Variants in PLPP1 observed in about 807,000 individuals in gnomAD.
PLPP1 encodes the protein phospholipid phosphatase 1, also known as lipid phosphate phosphohydrolase 1a.
In PLPP1, 24 loss-of-function variants were observed where a neutral mutation model predicts 31.2. That is an observed-to-expected ratio of 0.77 (90% CI 0.56 to 1.08). PLPP1 has a LOEUF of 1.08. Among genes scored for constraint, PLPP1 ranks in the 50% least tolerant of loss-of-function variants. The probability of loss-of-function intolerance (pLI) is 0.00; values close to 1 mark genes in which losing one functional copy is unlikely to be tolerated. For missense variants in PLPP1, 319 were observed against 342.7 expected (o/e 0.93, Z 0.55); for synonymous variants, 146 against 126.3 (o/e 1.16, Z -1.05).
intron 1 of PLPP1, among the ~76,000 whole-genome samples, chr5:55,504,002 C>T (rs1442483409): frequency 3.3e-5 from 5 of 151,702 alleles, no homozygotes; most frequent in East Asian, 3.9e-4. Context: ...GGAACGGGTG[C>T]GGTGGCTCAC....
At chr5:55,531,873 TAA>T (rs142667350) in intron 1 of PLPP1, among the ~76,000 whole-genome samples, 7 of 152,236 alleles carry the variant, frequency 4.6e-5, no homozygotes, top group South Asian at 2.1e-4. Context: ...CTTACATTTT[TAA>T]AAGTCAGTAA....
chr5:55,458,780 C>T (rs1432143315), intron 3 of PLPP1, among the ~76,000 whole-genome samples: 3 of 145,320 alleles, frequency 2.1e-5, no homozygotes, highest in Non-Finnish European at 4.5e-5. Flanking sequence ...CCCAGCTACT[C>T]GGGAGGCTGA....
At chr5:55,531,234 TCTC>T (rs905661253) in intron 1 of PLPP1, among the ~76,000 whole-genome samples, 4 of 152,034 alleles carry the variant, frequency 2.6e-5, no homozygotes, top group East Asian at 1.9e-4. Context: ...TTCTCAAAAT[TCTC>T]CTTCTTTTTC....
At chr5:55,442,928 G>A (rs1310762933) in intron 3 of PLPP1, among the ~76,000 whole-genome samples, 1 of 151,820 alleles carries the variant, frequency 6.6e-6, no homozygotes, top group Admixed American at 6.6e-5. Flanking sequence ...AGTATGCCAC[G>A]AAAAGATGCT....
At chr5:55,479,078 G>A (rs1029698323) in intron 1 of PLPP1, among the ~76,000 whole-genome samples, 2 of 149,180 alleles carry the variant, frequency 1.3e-5, no homozygotes, top group African/African-American at 5.0e-5. Context: ...AGGCTGGAGT[G>A]CAATGGTGCA....
At chr5:55,512,479 A>AGGAAAG (rs1422549377) in intron 1 of PLPP1, among the ~76,000 whole-genome samples, 3,276 of 42,128 alleles carry the variant, frequency 0.078, 178 homozygotes, top group Admixed American at 0.16. Flanking sequence ...AAAAAAAAAA[A>AGGAAAG]AAAAGAAAGA....
intron 4 of PLPP1, among the ~76,000 whole-genome samples, chr5:55,436,121 C>G (rs1043914502): frequency 6.6e-6 from 1 of 151,942 alleles, no homozygotes; most frequent in Non-Finnish European, 1.5e-5. Context: ...TCACATTGCT[C>G]AAAATAACCA....
intron 4 of PLPP1, among the ~76,000 whole-genome samples, chr5:55,428,801 A>G (rs1751272016): frequency 6.6e-6 from 1 of 152,264 alleles, no homozygotes; most frequent in South Asian, 2.1e-4. Flanking sequence ...CCATTTGCCA[A>G]CCTTATCTAT....
chr5:55,429,068 G>T (rs1477597970), intron 4 of PLPP1, among the ~76,000 whole-genome samples: 2 of 152,092 alleles, frequency 1.3e-5, no homozygotes, highest in African/African-American at 4.8e-5. Flanking sequence ...CCAGAGACCT[G>T]CTGGGCTGTA....
intron 3 of PLPP1, among the ~76,000 whole-genome samples, chr5:55,449,165 A>G (rs1751838655): frequency 6.6e-6 from 1 of 152,232 alleles, no homozygotes; most frequent in South Asian, 2.1e-4. Flanking sequence ...CATATTTTAA[A>G]TGTTACTTAT....
chr5:55,475,841 T>C (rs1430116153), intron 1 of PLPP1, among the ~76,000 whole-genome samples: 2 of 152,226 alleles, frequency 1.3e-5, no homozygotes, highest in African/African-American at 4.8e-5. Flanking sequence ...AAAGAAAACA[T>C]TTTAGCATTC....
chr5:55,471,848 G>C (rs1752422003), intron 2 of PLPP1, among the ~76,000 whole-genome samples: 2 of 152,214 alleles, frequency 1.3e-5, no homozygotes, highest in African/African-American at 4.8e-5. Context: ...GCTGAGCATG[G>C]TGGCTTACAC....
At chr5:55,461,708 T>C (rs1348896221) in intron 3 of PLPP1, among the ~76,000 whole-genome samples, 1 of 152,088 alleles carries the variant, frequency 6.6e-6, no homozygotes, top group African/African-American at 2.4e-5. Flanking sequence ...AACCTGGTAT[T>C]GCAGGTCTTA....
chr5:55,531,549 G>A (rs1233598109), intron 1 of PLPP1, among the ~76,000 whole-genome samples: 1 of 152,156 alleles, frequency 6.6e-6, no homozygotes. Context: ...ACAAAACCCT[G>A]CACTTATGAA....
At position 55,462,065 on chromosome 5, in the gene PLPP1, T is replaced by G. The variant is rs376485282; in HGVS notation, c.491+5804A>C. On this transcript the variant is annotated intron_variant, in intron 3 of 5. Coordinates refer to ENST00000307259, the MANE Select transcript of PLPP1 (RefSeq NM_003711.4). ...AAGAAAACCTAAGTTAATGGAGAGA[T>G]ACAACATATTCATGGATTGGAAGAC... is the stretch of plus-strand genomic sequence containing the variant. Among the ~76,000 whole-genome samples, 103 of 152,256 alleles carry G rather than the reference T, an allele frequency of 6.8e-4. 1 individual carries two copies. In the East Asian group the frequency reaches 0.016, roughly 23 times the overall value.
At chr5:55,484,272 G>C (rs1043176904) in intron 1 of PLPP1, 1 of 152,070 alleles carries the variant, frequency 6.6e-6, no homozygotes, top group Non-Finnish European at 1.5e-5. Flanking sequence ...TCCTCTTCGT[G>C]ATTTTCCATC....
At chr5:55,453,400 G>C (rs1377015569) in intron 3 of PLPP1, among the ~76,000 whole-genome samples, 1 of 152,140 alleles carries the variant, frequency 6.6e-6, no homozygotes, top group African/African-American at 2.4e-5. Flanking sequence ...GGAGCATTAG[G>C]AAGTCCAGTT....
intron 1 of PLPP1, among the ~76,000 whole-genome samples, chr5:55,503,585 G>T (rs953572481): frequency 1.3e-5 from 2 of 150,738 alleles, no homozygotes; most frequent in Non-Finnish European, 2.9e-5. Context: ...AGACCAAACT[G>T]GCCAACATGG....
At chr5:55,502,938 G>A (rs962607868) in intron 1 of PLPP1, among the ~76,000 whole-genome samples, 10 of 152,100 alleles carry the variant, frequency 6.6e-5, no homozygotes, top group Admixed American at 2.0e-4. Context: ...AGGCAATGAC[G>A]CCTTCATGTA....
Sources: gnomAD v4.1 joint callset for allele counts (sites outside exome capture counted in the v4.1 genomes callset) on GRCh38, gnomAD v4.1.1 for gene constraint, MANE v1.5 for transcripts, NCBI Gene and HGNC (gene_info 2026-07-23, HGNC 2026-07-21) for gene names.